RHOBTB1: variants seen among roughly 807,000 people sequenced by gnomAD.
The protein encoded by RHOBTB1 is rho-related BTB domain-containing protein 1.
In RHOBTB1, 40 loss-of-function variants were observed where a neutral mutation model predicts 71.6. That is an observed-to-expected ratio of 0.56 (90% confidence interval 0.43 to 0.73). The LOEUF is 0.73. Ranked by LOEUF, RHOBTB1 falls within the 30% of genes least tolerant of loss-of-function variation. The probability of loss-of-function intolerance (pLI) is 0.00; values close to 1 mark genes in which losing one functional copy is unlikely to be tolerated. For missense variants in RHOBTB1, 797 were observed against 894.0 expected (o/e 0.89, Z 1.38); for synonymous variants, 319 against 334.9 (o/e 0.95, Z 0.52).
chr10:60,885,024 T>C (rs2081502820), intron 7 of RHOBTB1, among the ~76,000 whole-genome samples: 1 of 152,140 alleles, frequency 6.6e-6, no homozygotes, highest in Admixed American at 6.5e-5. Flanking sequence ...GCTCAAGTGT[T>C]CCTCTCACTT....
Position 60,871,512 on chromosome 10 carries a change from G to A in RHOBTB1, c.2061C>T (p.Cys687=). The A allele has an allele frequency of 1.9e-6, 3 of 1,613,972 alleles. No homozygotes were observed. Among genetic ancestry groups the A allele is most frequent in the Admixed American group, 1.7e-5 (1 of 60,016 alleles). The stretch of plus-strand genomic sequence containing the variant: ...CCACTGCTGGAGATGAATTCCAGAA[G>A]CACCACTTTCGTCTTGAGCGATGCT... ...LNKHRSRRKW[C]FWNSSPAVA The change falls in exon 11 of 11, where the codon TGC becomes TGT. Residue 687 remains cysteine (C), a synonymous_variant. Coordinates refer to ENST00000337910, the MANE Select transcript of RHOBTB1 (RefSeq NM_014836.5).
intron 2 of RHOBTB1, among the ~76,000 whole-genome samples, chr10:60,919,155 C>G (rs757131375): frequency 6.6e-6 from 1 of 152,002 alleles, no homozygotes; most frequent in Non-Finnish European, 1.5e-5. Flanking sequence ...TGTTCACAGA[C>G]AGTCTGAATG....
intron 10 of RHOBTB1, 125 bp from the exon 11 acceptor site, chr10:60,871,776 G>C (rs2080799438): frequency 2.3e-6 from 2 of 856,434 alleles, no homozygotes; most frequent in East Asian, 2.7e-5. Flanking sequence ...ACTGTGATTA[G>C]GGCCATTTGC....
At chr10:60,884,942 A>T (rs1245383384) in intron 7 of RHOBTB1, among the ~76,000 whole-genome samples, 2 of 151,948 alleles carry the variant, frequency 1.3e-5, no homozygotes, top group African/African-American at 4.8e-5. Context: ...TTTTAGAGAC[A>T]GGTTCTCACT....
At chr10:60,902,934 T>C (rs1047456548) in intron 4 of RHOBTB1, among the ~76,000 whole-genome samples, 2 of 151,976 alleles carry the variant, frequency 1.3e-5, no homozygotes, top group African/African-American at 4.8e-5. Flanking sequence ...GGATAGAAAA[T>C]AGAAAGACAA....
At chr10:60,879,327 T>C (rs1164014374) in intron 7 of RHOBTB1, among the ~76,000 whole-genome samples, 2 of 152,124 alleles carry the variant, frequency 1.3e-5, no homozygotes, top group African/African-American at 2.4e-5. Context: ...TGAACAATTA[T>C]GAGCTTCTTT....
At chr10:60,969,000 T>C (rs567461341) in intron 2 of RHOBTB1, among the ~76,000 whole-genome samples, 1 of 152,244 alleles carries the variant, frequency 6.6e-6, no homozygotes, top group East Asian at 1.9e-4. Flanking sequence ...AAAAATCAGG[T>C]ATTTGAATAA....
chr10:60,950,743 T>C (rs528082226), intron 2 of RHOBTB1, among the ~76,000 whole-genome samples: 63 of 152,198 alleles, frequency 4.1e-4, no homozygotes, highest in Admixed American at 8.5e-4. Context: ...ACGGGCTCAT[T>C]ATGAGGCCCC....
At chr10:60,973,886 G>C (rs1343435586) in intron 2 of RHOBTB1, among the ~76,000 whole-genome samples, 1 of 151,988 alleles carries the variant, frequency 6.6e-6, no homozygotes, top group East Asian at 1.9e-4. Context: ...TTTTATCTTT[G>C]ACGATGATCT....
intron 2 of RHOBTB1, among the ~76,000 whole-genome samples, chr10:60,924,824 C>G (rs1589319992): frequency 6.6e-6 from 1 of 152,210 alleles, no homozygotes; most frequent in East Asian, 1.9e-4. Flanking sequence ...AACTAGAAAT[C>G]AATAACAAGA....
intron 2 of RHOBTB1, among the ~76,000 whole-genome samples, chr10:60,976,364 C>T (rs910653657): frequency 1.3e-5 from 2 of 151,324 alleles, no homozygotes; most frequent in African/African-American, 2.4e-5. Context: ...AGAGTAAGAT[C>T]GCTGAAATCT....
rs189228148 is a variant in RHOBTB1 at position 60,998,827 on chromosome 10, C to T, written c.-163+2572G>A. Among the ~76,000 whole-genome samples, 8 of 152,310 alleles carry T rather than the reference C, an allele frequency of 5.3e-5. No homozygotes were observed. The East Asian group carries it at 1.5e-3, about 29-fold the overall frequency. On this transcript the variant is annotated intron_variant, in intron 1 of 11. Transcript: ENST00000357917. ...TGGCTAATTAATAGAAGAACTCTTCCACACTTCAGTGCAGAATGTGAACTC... is the reference window on the plus strand; with the variant it reads ...TGGCTAATTAATAGAAGAACTCTTCTACACTTCAGTGCAGAATGTGAACTC...
chr10:60,927,962 A>G (rs527610319), intron 2 of RHOBTB1, among the ~76,000 whole-genome samples: 36 of 152,302 alleles, frequency 2.4e-4, no homozygotes, highest in African/African-American at 8.7e-4. Context: ...AGAATATATG[A>G]GCAGCTCAAA....
chr10:60,922,670 G>T (rs1192986776), intron 2 of RHOBTB1, among the ~76,000 whole-genome samples: 2 of 152,188 alleles, frequency 1.3e-5, no homozygotes, highest in African/African-American at 4.8e-5. Context: ...GGAGGAAGAA[G>T]GTTTCCCAGT....
chr10:60,966,692 A>AT (rs896038628), intron 2 of RHOBTB1, among the ~76,000 whole-genome samples: 70 of 145,448 alleles, frequency 4.8e-4, no homozygotes, highest in African/African-American at 9.7e-4. Context: ...TTTAATCTTT[A>AT]TTTTTTTTAC....
intron 7 of RHOBTB1, among the ~76,000 whole-genome samples, chr10:60,880,458 G>A (rs920714809): frequency 7.2e-5 from 11 of 151,972 alleles, no homozygotes; most frequent in Admixed American, 3.3e-4. Context: ...ATCCCTTAAC[G>A]TATCATAGGG....
chr10:60,962,780 C>T (rs1326230043), intron 2 of RHOBTB1, among the ~76,000 whole-genome samples: 4 of 152,052 alleles, frequency 2.6e-5, no homozygotes, highest in Non-Finnish European at 5.9e-5. Flanking sequence ...GATTTCTGGT[C>T]CCATCGTAAC....
chr10:60,929,418 G>C (rs960552701), intron 2 of RHOBTB1, among the ~76,000 whole-genome samples: 2 of 152,078 alleles, frequency 1.3e-5, no homozygotes, highest in Non-Finnish European at 2.9e-5. Flanking sequence ...GTTGTTCTTA[G>C]ATATCAAAGA....
chr10:60,918,960 G>A (rs2083412323), intron 2 of RHOBTB1, among the ~76,000 whole-genome samples: 1 of 152,028 alleles, frequency 6.6e-6, no homozygotes, highest in South Asian at 2.1e-4. Flanking sequence ...TGATCAGGCT[G>A]GTCTCAAACT....
Sources: allele counts gnomAD v4.1 joint callset (sites outside exome capture counted in the v4.1 genomes callset), GRCh38; gene constraint gnomAD v4.1.1; transcripts MANE v1.5; gene names NCBI Gene and HGNC (gene_info 2026-07-23, HGNC 2026-07-21).